The following GLRA3 variants were observed in gnomAD, a reference collection of about 807,000 sequenced individuals.
GLRA3 encodes glycine receptor subunit alpha-3.
Under a neutral mutation model 60.4 loss-of-function variants are expected in GLRA3, and 44 were observed. The ratio of observed to expected loss-of-function variants is 0.73; its 90% CI spans 0.57 to 0.94. The LOEUF (loss-of-function observed/expected upper bound fraction) is 0.94. GLRA3 is among the 40% of genes least tolerant of loss of function. GLRA3 has a pLI of 0.00. For missense variants in GLRA3, 508 were observed against 564.6 expected (o/e 0.90, Z 1.02); for synonymous variants, 223 against 192.9 (o/e 1.16, Z -1.29).
intron 5 of GLRA3, among the ~76,000 whole-genome samples, chr4:174,709,809 A>T (rs1735644831): frequency 6.6e-6 from 1 of 152,064 alleles, no homozygotes; most frequent in Non-Finnish European, 1.5e-5. Context: ...ATGAGTTAGC[A>T]TTCTAAATTA....
chr4:174,728,405 A>G, intron 4 of GLRA3, 70 bp downstream of exon 4: 1 of 888,428 alleles, frequency 1.1e-6, no homozygotes, highest in African/African-American at 1.7e-5. Flanking sequence ...ACTTTCACCA[A>G]ACAAACCAAC....
chr4:174,767,437 A>C (rs544207048), intron 2 of GLRA3, among the ~76,000 whole-genome samples: 19 of 152,190 alleles, frequency 1.2e-4, no homozygotes, highest in African/African-American at 4.6e-4. Flanking sequence ...TACTTTAGGT[A>C]ACATAAAGTG....
intron 1 of GLRA3, among the ~76,000 whole-genome samples, chr4:174,796,796 A>T (rs529191116): frequency 2.0e-5 from 3 of 152,040 alleles, no homozygotes; most frequent in Non-Finnish European, 2.9e-5. Flanking sequence ...CAGCCTCCCA[A>T]ATTGCTGGGA....
At chr4:174,804,595 G>T (rs763700692) in intron 1 of GLRA3, among the ~76,000 whole-genome samples, 6 of 152,174 alleles carry the variant, frequency 3.9e-5, no homozygotes, top group Non-Finnish European at 8.8e-5. Context: ...GATTGAAGTA[G>T]TGTCATTCAT....
intron 4 of GLRA3, among the ~76,000 whole-genome samples, chr4:174,718,996 G>GCT (rs1266402253): frequency 3.5e-5 from 4 of 115,154 alleles, no homozygotes; most frequent in South Asian, 2.8e-4. Context: ...ACGGAGTCTC[G>GCT]CTGTCGCCCA....
At chr4:174,819,810 A>G (rs1740665088) in intron 1 of GLRA3, among the ~76,000 whole-genome samples, 1 of 152,076 alleles carries the variant, frequency 6.6e-6, no homozygotes, top group Non-Finnish European at 1.5e-5. Context: ...TGATCCCAGA[A>G]CTCTGATAGG....
intron 1 of GLRA3, among the ~76,000 whole-genome samples, chr4:174,790,026 T>C (rs113323950): frequency 8.5e-4 from 129 of 152,348 alleles, no homozygotes; most frequent in Non-Finnish European, 1.4e-3. Context: ...TTAAGTTGTT[T>C]ACCACAGGGA....
chr4:174,728,373 G>C, intron 4 of GLRA3, 102 bp downstream of exon 4: 1 of 650,408 alleles, frequency 1.5e-6, no homozygotes, highest in Non-Finnish European at 2.7e-6. Context: ...AACAATGATA[G>C]CACTTGTTCA....
At chr4:174,678,743 C>T (rs1157654300) in intron 6 of GLRA3, among the ~76,000 whole-genome samples, 4 of 152,002 alleles carry the variant, frequency 2.6e-5, no homozygotes, top group African/African-American at 4.8e-5. Flanking sequence ...TACAAAATGC[C>T]TAAAGATTCC....
chr4:174,644,681 G>A (rs1732750385), intron 9 of GLRA3, among the ~76,000 whole-genome samples: 1 of 152,012 alleles, frequency 6.6e-6, no homozygotes, highest in Non-Finnish European at 1.5e-5. Flanking sequence ...CTATGTTCCA[G>A]GCACATTGGT....
At chr4:174,709,375 T>G (rs1026831147) in intron 5 of GLRA3, among the ~76,000 whole-genome samples, 1 of 152,052 alleles carries the variant, frequency 6.6e-6, no homozygotes, top group African/African-American at 2.4e-5. Flanking sequence ...GGTTTGATAT[T>G]TTTATTGTTA....
intron 1 of GLRA3, among the ~76,000 whole-genome samples, chr4:174,824,043 CT>C (rs1282222447): frequency 6.6e-6 from 1 of 152,054 alleles, no homozygotes; most frequent in Non-Finnish European, 1.5e-5. Flanking sequence ...CCTTTATAAC[CT>C]TTTGTAAATC....
chr4:174,681,762 T>C (rs932104863), intron 6 of GLRA3, among the ~76,000 whole-genome samples: 1 of 152,138 alleles, frequency 6.6e-6, no homozygotes, highest in Admixed American at 6.6e-5. Flanking sequence ...AAAACTAATA[T>C]ACCTCCCTAA....
chr4:174,759,313 G>A (rs1737848871), intron 3 of GLRA3, among the ~76,000 whole-genome samples: 1 of 130,324 alleles, frequency 7.7e-6, no homozygotes, highest in Non-Finnish European at 1.8e-5. Flanking sequence ...TATTGACAAT[G>A]AAGTGTTAAA....
chr4:174,714,451 T>C (rs1195097096), intron 5 of GLRA3, among the ~76,000 whole-genome samples: 1 of 152,220 alleles, frequency 6.6e-6, no homozygotes, highest in Non-Finnish European at 1.5e-5. Context: ...ATGCTAATTA[T>C]TTAAGAACTA....
At chr4:174,683,332 A>C (rs1734426875) in intron 5 of GLRA3, among the ~76,000 whole-genome samples, 1 of 152,044 alleles carries the variant, frequency 6.6e-6, no homozygotes, top group Admixed American at 6.6e-5. Context: ...TAAAAACTGA[A>C]ATTGTCACTC....
chr4:174,767,123 T>TAC (rs10551381), intron 2 of GLRA3, 93 bp from the exon 3 acceptor site: 13,342 of 471,360 alleles, frequency 0.028, 93 homozygotes, highest in Middle Eastern at 0.052. Context: ...TATTCCATTT[T>TAC]ACACACACAC....
chr4:174,664,135 A>G (rs1352952540), intron 7 of GLRA3, among the ~76,000 whole-genome samples: 1 of 152,040 alleles, frequency 6.6e-6, no homozygotes, highest in African/African-American at 2.4e-5. Flanking sequence ...ACTCCACCCC[A>G]TCGGCTTTGT....
Position 174,806,264 on chromosome 4 carries a change from G to A in GLRA3, c.72-17321C>T, listed in dbSNP as rs183029183. Among the ~76,000 whole-genome samples the A allele has an allele frequency of 2.5e-4, 38 of 152,048 alleles. 1 individual carries two copies. The East Asian group carries it at 4.1e-3, about 16-fold the overall frequency. The stretch of plus-strand genomic sequence containing the variant: ...ATGCGTAAGACTTTCAAAAAAACAA[G>A]GTGTAATTCCCCAAAACAACTAAAA... On this transcript the variant is annotated intron_variant, in intron 1 of 9. Transcript: ENST00000274093.
Sources: gnomAD v4.1 joint callset for allele counts (sites outside exome capture counted in the v4.1 genomes callset) on GRCh38, gnomAD v4.1.1 for gene constraint, MANE v1.5 for transcripts, NCBI Gene and HGNC (gene_info 2026-07-23, HGNC 2026-07-21) for gene names.